The following ALX4 variants were observed in gnomAD, a reference collection of about 807,000 sequenced individuals.
The protein encoded by ALX4 is ALX homeobox 4, also known as homeobox protein aristaless-like 4.
In ALX4, 22 loss-of-function variants were observed where a neutral mutation model predicts 40.6. That is an observed-to-expected ratio of 0.54 (90% CI 0.39 to 0.77). The LOEUF is 0.77. Ranked by LOEUF, ALX4 falls within the 30% of genes least tolerant of loss-of-function variation. ALX4 has a pLI of 0.00. For missense variants in ALX4, 556 were observed against 564.8 expected, an observed-to-expected ratio of 0.98 and a Z score of 0.16; for synonymous variants, 266 against 240.5, an observed-to-expected ratio of 1.11 and a Z score of -0.98.
rs200060258 is a variant in ALX4 at position 44,284,972 on chromosome 11, G to GT, written c.467-9315dup. Among the ~76,000 whole-genome samples the GT allele has an allele frequency of 4.9e-3, 734 of 150,718 alleles. 13 individuals are homozygous for GT. The highest frequency in any genetic ancestry group is 0.033 in the East Asian group (171 of 5,162). The stretch of plus-strand genomic sequence containing the variant: ...AAAACATTACTTTGTAAACTTTTGT[G>GT]TTTTTTTTTGAGATGGAGTCTCGCT... On this transcript the variant is annotated intron_variant, in intron 1 of 3. Coordinates refer to ENST00000652299, the MANE Select transcript of ALX4 (RefSeq NM_021926.4).
intron 1 of ALX4, among the ~76,000 whole-genome samples, chr11:44,309,308 A>G (rs1956490899): frequency 6.6e-6 from 1 of 151,936 alleles, no homozygotes; most frequent in African/African-American, 2.4e-5. Flanking sequence ...AATCCCGCCC[A>G]GCGGGCAGCG....
rs117526668 is a variant in ALX4 at position 44,263,881 on chromosome 11, C to T, written c.*973G>A. ...GGGCCAGGGTAGGGCAGGGAAGAGA[C>T]GAGCCCCTCCGCATCCTCCTGGAGG... On this transcript the variant is annotated 3_prime_UTR_variant, in exon 4 of 4. Transcript: ENST00000652299. The T allele has an allele frequency of 0.08, 12,129 of 152,404 alleles. 516 individuals carry two copies. The highest frequency in any genetic ancestry group is 0.15 in the Middle Eastern group (45 of 294). 9.4% of individuals were successfully genotyped at this position (152,404 alleles called of 1,614,324 possible). A position where few individuals can be genotyped will look rare whatever the true frequency, so the allele number is the denominator to read the frequency against.
chr11:44,294,407 C>T (rs1956390993), intron 1 of ALX4, among the ~76,000 whole-genome samples: 1 of 152,212 alleles, frequency 6.6e-6, no homozygotes, highest in African/African-American at 2.4e-5. Flanking sequence ...GCCCTGGGGA[C>T]AGGCTGAAGT....
intron 1 of ALX4, among the ~76,000 whole-genome samples, chr11:44,309,146 T>C (rs1590707338): frequency 1.4e-5 from 1 of 72,992 alleles, no homozygotes; most frequent in Non-Finnish European, 3.4e-5. Flanking sequence ...GCTTCTGCAG[T>C]CCTGCTGTCC....
At chr11:44,280,301 G>C (rs1420058600) in intron 1 of ALX4, among the ~76,000 whole-genome samples, 2 of 152,200 alleles carry the variant, frequency 1.3e-5, no homozygotes, top group Non-Finnish European at 2.9e-5. Flanking sequence ...CAGAAACCCA[G>C]TCCAGGATCT....
At chr11:44,266,291 G>A (rs1419623985) in intron 3 of ALX4, among the ~76,000 whole-genome samples, 1 of 152,176 alleles carries the variant, frequency 6.6e-6, no homozygotes, top group Admixed American at 6.5e-5. Flanking sequence ...GTGCGCTCAG[G>A]CAGCAGAGCT....
chr11:44,305,743 C>G lies in ALX4; in HGVS notation c.466+3854G>C, dbSNP rs550925616. 2.4e-4 allele frequency among the ~76,000 whole-genome samples: 36 copies of G among 152,366 alleles called. No homozygotes were observed. The East Asian group carries it at 6.9e-3, about 29-fold the overall frequency. On this transcript the variant is annotated intron_variant, in intron 1 of 3. Coordinates refer to ENST00000652299, the MANE Select transcript of ALX4 (RefSeq NM_021926.4). ...GGCACCCCAGGGGCTCCAACCTGGC[C>G]CGCGCCTCCCCAGACCTTGGCGCTG...
intron 2 of ALX4, among the ~76,000 whole-genome samples, chr11:44,268,250 G>C (rs1006581170): frequency 1.1e-4 from 17 of 152,174 alleles, no homozygotes; most frequent in African/African-American, 4.1e-4. Flanking sequence ...TGAATGGTTG[G>C]CTGAAAGGAG....
intron 1 of ALX4, among the ~76,000 whole-genome samples, chr11:44,294,512 A>T (rs192875832): frequency 1.2e-3 from 176 of 152,292 alleles, no homozygotes; most frequent in African/African-American, 3.8e-3. Flanking sequence ...GCCTATGGGG[A>T]GGAGGGGCCT....
chr11:44,308,365 C>T (rs1248765605), intron 1 of ALX4, among the ~76,000 whole-genome samples: 1 of 152,238 alleles, frequency 6.6e-6, no homozygotes, highest in Non-Finnish European at 1.5e-5. Flanking sequence ...AGGCCTCCGC[C>T]GTGTCCCAGC....
intron 1 of ALX4, among the ~76,000 whole-genome samples, chr11:44,280,018 T>A (rs1182783828): frequency 6.6e-6 from 1 of 152,216 alleles, no homozygotes; most frequent in Non-Finnish European, 1.5e-5. Context: ...CTATAGAGCA[T>A]GTGCAGAAAA....
chr11:44,279,457 G>A (rs1169791880), intron 1 of ALX4, among the ~76,000 whole-genome samples: 2 of 152,230 alleles, frequency 1.3e-5, no homozygotes, highest in African/African-American at 4.8e-5. Flanking sequence ...TCTCCAGGGA[G>A]ATGACCCCGG....
At chr11:44,286,693 G>A (rs1487047649) in intron 1 of ALX4, among the ~76,000 whole-genome samples, 5 of 152,240 alleles carry the variant, frequency 3.3e-5, no homozygotes, top group East Asian at 1.9e-4. Flanking sequence ...GGGGCGGGTC[G>A]CTGGCCTTCC....
intron 1 of ALX4, among the ~76,000 whole-genome samples, chr11:44,282,574 C>T (rs547182972): frequency 6.6e-6 from 1 of 152,188 alleles, no homozygotes; most frequent in Non-Finnish European, 1.5e-5. Context: ...GGAGACACCC[C>T]CAAGTGTCCT....
At chr11:44,301,912 G>A (rs72909924) in intron 1 of ALX4, among the ~76,000 whole-genome samples, 7,140 of 152,308 alleles carry the variant, frequency 0.047, 229 homozygotes, top group Non-Finnish European at 0.07. Flanking sequence ...TGGCTTGTCA[G>A]ACGGCCTCGC....
At chr11:44,283,842 G>T (rs1366455184) in intron 1 of ALX4, among the ~76,000 whole-genome samples, 1 of 152,098 alleles carries the variant, frequency 6.6e-6, no homozygotes, top group African/African-American at 2.4e-5. Flanking sequence ...GGGATTACAG[G>T]CATGGACCAC....
At position 44,275,588 on chromosome 11, in the gene ALX4, G is replaced by A. The variant is rs760043881; in HGVS notation, c.537C>T (p.Tyr179=). The change falls in exon 2 of 4, where the codon TAC becomes TAT. Residue 179 remains tyrosine (Y), a synonymous_variant. Transcript: ENST00000652299. ...DSDTVGMDSS[Y]LSVKEAGVKG... ...TCACCCCAGCCTCCTTGACACTCAG[G>A]TAGCTGCTGTCCATCCCCACAGTGT... 3.1e-6 allele frequency: 5 copies of A among 1,614,102 alleles called. No homozygotes were observed. Among genetic ancestry groups the A allele is most frequent in the Non-Finnish European group, 2.5e-6 (3 of 1,179,964 alleles).
intron 1 of ALX4, among the ~76,000 whole-genome samples, chr11:44,295,257 C>T (rs1176298428): frequency 6.6e-6 from 1 of 152,238 alleles, no homozygotes; most frequent in African/African-American, 2.4e-5. Flanking sequence ...AAGAGGTCAA[C>T]TAATTTGCCC....
intron 1 of ALX4, among the ~76,000 whole-genome samples, chr11:44,284,864 AG>A (rs1379144801): frequency 6.6e-6 from 1 of 152,202 alleles, no homozygotes; most frequent in Non-Finnish European, 1.5e-5. Context: ...TCTATATGGA[AG>A]ATTAAAAAAA....
Sources: allele counts gnomAD v4.1 joint callset (sites outside exome capture counted in the v4.1 genomes callset), GRCh38; gene constraint gnomAD v4.1.1; transcripts MANE v1.5; gene names NCBI Gene and HGNC (gene_info 2026-07-23, HGNC 2026-07-21).